Variants in PPP1R9A observed in about 807,000 individuals in gnomAD.
PPP1R9A encodes neurabin-1.
In PPP1R9A, 59 loss-of-function variants were observed where a neutral mutation model predicts 141.9. The ratio of observed to expected loss-of-function variants is 0.42; its 90% CI spans 0.34 to 0.52. The LOEUF (loss-of-function observed/expected upper bound fraction) is 0.52, where lower values mean the gene tolerates loss of function less well. Among genes scored for constraint, PPP1R9A ranks in the 20% least tolerant of loss-of-function variants. The pLI, the probability that PPP1R9A is intolerant of heterozygous loss-of-function variation, is 0.10. For synonymous variants in PPP1R9A, 500 were observed against 569.7 expected, an observed-to-expected ratio of 0.88 and a Z score of 1.74; for missense variants, 1,444 against 1,611.9, an observed-to-expected ratio of 0.90 and a Z score of 1.78.
intron 5 of PPP1R9A, among the ~76,000 whole-genome samples, chr7:95,164,332 C>T (rs1241064807): frequency 6.6e-6 from 1 of 152,164 alleles, no homozygotes; most frequent in Non-Finnish European, 1.5e-5. Flanking sequence ...TTAATATTTA[C>T]AACTGGTAAT....
intron 10 of PPP1R9A, among the ~76,000 whole-genome samples, chr7:95,251,305 T>C (rs1314470327): frequency 2.6e-5 from 4 of 152,188 alleles, no homozygotes; most frequent in African/African-American, 9.6e-5. Context: ...CCCCTCTCGA[T>C]GTTTCTGACC....
chr7:95,184,829 G>C (rs1163783335), intron 5 of PPP1R9A, among the ~76,000 whole-genome samples: 1 of 151,128 alleles, frequency 6.6e-6, no homozygotes, highest in Non-Finnish European at 1.5e-5. Context: ...AGTATTCCAT[G>C]CTGTATATAT....
At chr7:95,142,842 A>G (rs1826947581) in intron 4 of PPP1R9A, among the ~76,000 whole-genome samples, 1 of 152,082 alleles carries the variant, frequency 6.6e-6, no homozygotes, top group Admixed American at 6.6e-5. Flanking sequence ...AAAGAGACAA[A>G]GCTGAATTAT....
chr7:95,240,565 AT>A, intron 8 of PPP1R9A, among the ~76,000 whole-genome samples: 1 of 151,200 alleles, frequency 6.6e-6, no homozygotes, highest in Admixed American at 6.6e-5. Context: ...CTTTTTGTTA[AT>A]TTTTTATTGG....
chr7:94,939,063 G>A (rs1481057888), intron 2 of PPP1R9A, among the ~76,000 whole-genome samples: 1 of 152,078 alleles, frequency 6.6e-6, no homozygotes, highest in Non-Finnish European at 1.5e-5. Context: ...TCATTACTGT[G>A]TGATGAAATG....
chr7:95,241,286 G>A (rs1797419052), intron 8 of PPP1R9A, among the ~76,000 whole-genome samples: 1 of 152,124 alleles, frequency 6.6e-6, no homozygotes, highest in South Asian at 2.1e-4. Flanking sequence ...GAGCAAATAT[G>A]GAATACTGAG....
intron 2 of PPP1R9A, among the ~76,000 whole-genome samples, chr7:94,995,301 A>T (rs1308994147): frequency 2.0e-5 from 3 of 151,760 alleles, no homozygotes. Flanking sequence ...CATGTTTCTC[A>T]TGCTTGGGTT....
At chr7:95,157,355 A>G (rs1368353806) in intron 4 of PPP1R9A, among the ~76,000 whole-genome samples, 1 of 152,098 alleles carries the variant, frequency 6.6e-6, no homozygotes, top group Non-Finnish European at 1.5e-5. Flanking sequence ...CCAAAAGTAA[A>G]GGGAAGCTCC....
intron 2 of PPP1R9A, among the ~76,000 whole-genome samples, chr7:94,993,929 T>C (rs531586823): frequency 1.3e-5 from 2 of 152,194 alleles, no homozygotes; most frequent in Non-Finnish European, 2.9e-5. Flanking sequence ...ATCTTTGTCA[T>C]ATTCCTGATT....
chr7:95,057,115 G>T (rs1466017026), intron 2 of PPP1R9A, among the ~76,000 whole-genome samples: 3 of 152,156 alleles, frequency 2.0e-5, no homozygotes, highest in African/African-American at 4.8e-5. Context: ...AATATGTTTG[G>T]CTTTCATGTT....
intron 2 of PPP1R9A, among the ~76,000 whole-genome samples, chr7:94,941,107 C>T (rs1795293125): frequency 6.6e-6 from 1 of 152,014 alleles, no homozygotes; most frequent in South Asian, 2.1e-4. Flanking sequence ...TTTTAAAATT[C>T]AGAAGTCGCA....
intron 4 of PPP1R9A, among the ~76,000 whole-genome samples, chr7:95,134,292 C>T (rs552095399): frequency 7.3e-4 from 111 of 151,990 alleles, no homozygotes; most frequent in Middle Eastern, 3.4e-3. Context: ...CACAGGGAGG[C>T]GAACATCACA....
At chr7:95,215,336 G>A (rs1249523412) in intron 7 of PPP1R9A, among the ~76,000 whole-genome samples, 2 of 152,000 alleles carry the variant, frequency 1.3e-5, no homozygotes, top group African/African-American at 4.8e-5. Context: ...ATTCCATGGT[G>A]TATATGTGCC....
At chr7:95,052,923 C>G (rs1384759137) in intron 2 of PPP1R9A, among the ~76,000 whole-genome samples, 1 of 152,178 alleles carries the variant, frequency 6.6e-6, no homozygotes, top group African/African-American at 2.4e-5. Context: ...TGTGTCTGCT[C>G]TATATCATGC....
rs1166550834 is a variant in PPP1R9A, at chr7:95,094,879, C to CAAAAAA, written c.1396-16359_1396-16354dup. On this transcript the variant is annotated intron_variant, in intron 2 of 19. Coordinates refer to ENST00000433360, the MANE Select transcript of PPP1R9A (RefSeq NM_001166160.2). Reference sequence around the variant, plus strand: ...TGGGCGACAGAGGGAGACTGCGTCTCAAAAAAAAAAAAAAAAAAAAAAAAA... The same window carrying CAAAAAA: ...TGGGCGACAGAGGGAGACTGCGTCTCAAAAAAAAAAAAAAAAAAAAAAAAAAAAAAA... 9.1e-3 allele frequency among the ~76,000 whole-genome samples: 409 copies of CAAAAAA among 44,978 alleles called. 45 individuals carry two copies. The highest frequency in any genetic ancestry group is 0.013 in the Non-Finnish European group (318 of 23,608). 29.5% of individuals were successfully genotyped at this position (44,978 alleles called of 152,430 possible). A position where few individuals can be genotyped will look rare whatever the true frequency, so the allele number is the denominator to read the frequency against.
Position 95,024,419 on chromosome 7 carries a change from TG to T in PPP1R9A, c.1396-86839del, listed in dbSNP as rs765350206. Among the ~76,000 whole-genome samples, 8 of 152,268 alleles carry T rather than the reference TG, an allele frequency of 5.3e-5. 1 individual carries two copies. The East Asian group carries it at 1.5e-3, about 29-fold the overall frequency. On this transcript the variant is annotated intron_variant, in intron 2 of 19. Transcript: ENST00000433360. ...TATTGTGTGGGAGTCTAAATCTCTT[TG>T]TAGGTCTCTAAGAACTTGCTATATG...
At chr7:95,162,650 C>T (rs1199070107) in intron 5 of PPP1R9A, among the ~76,000 whole-genome samples, 1 of 152,094 alleles carries the variant, frequency 6.6e-6, no homozygotes, top group Non-Finnish European at 1.5e-5. Context: ...TTCCATACAT[C>T]TTGTGTAAGA....
Position 95,247,420 on chromosome 7 carries a change from A to G in PPP1R9A, c.2113-53A>G, listed in dbSNP as rs536189370. 1.6e-4 allele frequency: 240 copies of G among 1,458,108 alleles called. 1 individual carries two copies. The highest frequency in any genetic ancestry group is 1.5e-3 in the African/African-American group (108 of 71,140). 90.3% of individuals were successfully genotyped at this position (1,458,108 alleles called of 1,614,324 possible). A position where few individuals can be genotyped will look rare whatever the true frequency, so the allele number is the denominator to read the frequency against. ...ATTCTTGTAGCTGCTGAGGCTTTAC[A>G]AATATAGATACACTTTCTTAGTTCA... On this transcript the variant is annotated intron_variant, in intron 8 of 19. Transcript: ENST00000433360.
At chr7:95,219,641 A>G (rs986678125) in intron 7 of PPP1R9A, among the ~76,000 whole-genome samples, 1 of 152,148 alleles carries the variant, frequency 6.6e-6, no homozygotes, top group African/African-American at 2.4e-5. Flanking sequence ...ATTGAAAAGA[A>G]AATTTTGAAT....
Sources: gnomAD v4.1 joint callset for allele counts (sites outside exome capture counted in the v4.1 genomes callset) on GRCh38, gnomAD v4.1.1 for gene constraint, MANE v1.5 for transcripts, NCBI Gene and HGNC (gene_info 2026-07-23, HGNC 2026-07-21) for gene names.